The following EED variants were observed in gnomAD, a reference collection of about 807,000 sequenced individuals.
EED encodes polycomb protein EED.
Under a neutral mutation model 61.0 loss-of-function variants are expected in EED, and 9 were observed. The ratio of observed to expected loss-of-function variants is 0.15; its 90% CI spans 0.09 to 0.26. The LOEUF is 0.26. Ranked by LOEUF, EED falls within the 10% of genes least tolerant of loss-of-function variation. EED has a pLI of 1.00. For synonymous variants in EED, 187 were observed against 174.4 expected, an observed-to-expected ratio of 1.07 and a Z score of -0.57; for missense variants, 315 against 542.3, an observed-to-expected ratio of 0.58 and a Z score of 4.16.
At chr11:86,260,324 T>A (rs772088592) in intron 6 of EED, among the ~76,000 whole-genome samples, 1 of 152,238 alleles carries the variant, frequency 6.6e-6, no homozygotes, top group Non-Finnish European at 1.5e-5. Flanking sequence ...GCTCCTGGCC[T>A]CAAGCAATGT....
In EED at chr11:86,274,635, C is replaced by T. The variant is rs113338796; in HGVS notation, c.967-2345C>T. Among the ~76,000 whole-genome samples the T allele has an allele frequency of 3.8e-3, 578 of 152,250 alleles. 4 individuals carry two copies. Among genetic ancestry groups the T allele is most frequent in the African/African-American group, 0.013 (555 of 41,536 alleles). Reference sequence around the variant, plus strand: ...AGTCGGGGTGGGAGTTAAGGCTCTCCGTAGGCCTCAGCTGATACCACCCTA... The same window carrying T: ...AGTCGGGGTGGGAGTTAAGGCTCTCTGTAGGCCTCAGCTGATACCACCCTA... On this transcript the variant is annotated intron_variant, in intron 9 of 11. Transcript: ENST00000263360.
rs1013178317 is a variant in EED, at chr11:86,245,142, T to C, written c.-88T>C. 91 of 1,093,082 alleles carry C rather than the reference T, an allele frequency of 8.3e-5. No homozygotes were observed. The highest frequency in any genetic ancestry group is 2.7e-4 in the Middle Eastern group (1 of 3,726). 67.7% of individuals were successfully genotyped at this position (1,093,082 alleles called of 1,614,324 possible). A position where few individuals can be genotyped will look rare whatever the true frequency, so the allele number is the denominator to read the frequency against. On this transcript the variant is annotated 5_prime_UTR_variant, in exon 1 of 12. Coordinates refer to ENST00000263360, the MANE Select transcript of EED (RefSeq NM_003797.5). The stretch of plus-strand genomic sequence containing the variant: ...GAGGTGGCGGCGGCAGCGGCAACTT[T>C]GCGGCAAGCTCGGGCCGGGCTTGCT...
intron 7 of EED, chr11:86,265,851 T>C (rs1057264210): frequency 3.5e-6 from 1 of 286,248 alleles, no homozygotes; most frequent in Non-Finnish European, 6.4e-6. Context: ...AAGTAATTTT[T>C]TCTTGGTTTA....
chr11:86,248,049 A>T (rs1456536096), intron 1 of EED, among the ~76,000 whole-genome samples: 1 of 152,220 alleles, frequency 6.6e-6, no homozygotes, highest in Non-Finnish European at 1.5e-5. Flanking sequence ...AAAAGCAAAG[A>T]TGCAGGGAAT....
In EED at chr11:86,268,594, C is replaced by CGT. The variant is rs71040225; in HGVS notation, c.966+64_966+65dup. The CGT allele has an allele frequency of 0.034, 27,817 of 816,282 alleles. 275 individuals carry two copies. Among genetic ancestry groups the CGT allele is most frequent in the East Asian group, 0.12 (4,083 of 34,652 alleles). 50.6% of individuals were successfully genotyped at this position (816,282 alleles called of 1,614,324 possible). A position where few individuals can be genotyped will look rare whatever the true frequency, so the allele number is the denominator to read the frequency against. The stretch of plus-strand genomic sequence containing the variant: ...AACTGCAGTTAAGCTGTACTTCCAT[C>CGT]GTGTGTGTGTGTGTGTGTGTGTGTG... On this transcript the variant is annotated intron_variant, in intron 9 of 11. Coordinates refer to ENST00000263360, the MANE Select transcript of EED (RefSeq NM_003797.5).
At chr11:86,261,970 T>G (rs1278446497) in intron 6 of EED, among the ~76,000 whole-genome samples, 1 of 152,242 alleles carries the variant, frequency 6.6e-6, no homozygotes, top group African/African-American at 2.4e-5. Flanking sequence ...AGAACCTGCC[T>G]TCTCTTCCCT....
At chr11:86,280,884 T>A (rs1192171834), downstream of EED, among the ~76,000 whole-genome samples, 1 of 152,258 alleles carries the variant, frequency 6.6e-6, no homozygotes, top group Non-Finnish European at 1.5e-5. Flanking sequence ...GAAAGGGTGT[T>A]GAATTTTGTC....
intron 3 of EED, 36 bp from the exon 4 acceptor site, chr11:86,255,186 T>A (rs1214105579): frequency 6.6e-7 from 1 of 1,519,952 alleles, no homozygotes; most frequent in Non-Finnish European, 9.1e-7. Flanking sequence ...TTTTCTATAC[T>A]TGAGATGAAA....
At chr11:86,264,964 A>G (rs890923325) in intron 7 of EED, 2 of 152,232 alleles carry the variant, frequency 1.3e-5, no homozygotes, top group Non-Finnish European at 2.9e-5. Flanking sequence ...AGTTGAAGGT[A>G]CTAAAATATT....
At chr11:86,253,616 A>G (rs1382801246) in intron 3 of EED, among the ~76,000 whole-genome samples, 1 of 152,230 alleles carries the variant, frequency 6.6e-6, no homozygotes, top group Non-Finnish European at 1.5e-5. Flanking sequence ...TAGCAGCCAT[A>G]TAAAGAATTT....
intron 5 of EED, among the ~76,000 whole-genome samples, chr11:86,256,960 G>A (rs1014863342): frequency 1.3e-5 from 2 of 152,062 alleles, no homozygotes; most frequent in African/African-American, 2.4e-5. Flanking sequence ...ACACTCTCCT[G>A]AGGATGCTTA....
chr11:86,277,706 A>G (rs551859996), intron 10 of EED: 9 of 333,740 alleles, frequency 2.7e-5, no homozygotes, highest in Non-Finnish European at 4.8e-5. Context: ...AATTTGCACA[A>G]TGCCTTCTTA....
rs538343516 is a variant in EED, at chr11:86,269,309, G to A, written c.966+748G>A. Reference sequence around the variant, plus strand: ...AAAATTGTAAATCAGACCATTGTAAGTCAAGGCCATCTGGGTGTGTGTGTG... The same window carrying A: ...AAAATTGTAAATCAGACCATTGTAAATCAAGGCCATCTGGGTGTGTGTGTG... On this transcript the variant is annotated intron_variant, in intron 9 of 11. Transcript: ENST00000263360. 3.7e-4 allele frequency among the ~76,000 whole-genome samples: 57 copies of A among 152,086 alleles called. 1 individual carries two copies. The highest frequency in any genetic ancestry group is 1.3e-3 in the African/African-American group (56 of 41,506).
chr11:86,270,757 C>T (rs1045270810), intron 9 of EED, among the ~76,000 whole-genome samples: 3 of 152,168 alleles, frequency 2.0e-5, no homozygotes, highest in African/African-American at 7.2e-5. Context: ...GTTGTTCCAT[C>T]AGCATTTGTT....
At chr11:86,260,846 T>A (rs2138178636) in intron 6 of EED, among the ~76,000 whole-genome samples, 1 of 152,360 alleles carries the variant, frequency 6.6e-6, no homozygotes, top group South Asian at 2.1e-4. Context: ...ACATGAATAT[T>A]TCTGAACTTA....
In EED at chr11:86,250,342, A is replaced by T; in HGVS notation, c.161A>T (p.Asp54Val). Residue 54 changes from aspartate (D) to valine (V), a missense_variant, in exon 2 of 12, where the codon GAT becomes GTT. Around this residue, in one of 2 missense-constraint regions of EED, gnomAD observed 110 missense variants for 86.9 expected, o/e 1.27. Coordinates refer to ENST00000263360, the MANE Select transcript of EED (RefSeq NM_003797.5). The part of the protein sequence containing the change: ...IESGTNTERP[D>V]TPTNTPNAPG... ...AGTGGTACAAACACTGAACGCCCTGATACACCTACAAACACGCCAAATGCA... is the reference window on the plus strand; with the variant it reads ...AGTGGTACAAACACTGAACGCCCTGTTACACCTACAAACACGCCAAATGCA... The T allele has an allele frequency of 6.2e-7, 1 of 1,607,850 alleles. No homozygotes were observed. The highest frequency in any genetic ancestry group is 8.5e-7 in the Non-Finnish European group (1 of 1,177,522).
rs918777317 is a variant in EED, at chr11:86,256,570, C to T, written c.552+58C>T. On this transcript the variant is annotated intron_variant, in intron 5 of 11. Coordinates refer to ENST00000263360, the MANE Select transcript of EED (RefSeq NM_003797.5). ...TCTTTTGAATCCACAACTGTAAAAA[C>T]TTGTAATGTTAAATTTAAAACTAAT... The T allele has an allele frequency of 1.9e-5, 27 of 1,432,854 alleles. No individual in the cohort carries two copies. In the African/African-American group the frequency reaches 3.1e-4, roughly 17 times the overall value. 88.8% of individuals were successfully genotyped at this position (1,432,854 alleles called of 1,614,324 possible). A position where few individuals can be genotyped will look rare whatever the true frequency, so the allele number is the denominator to read the frequency against.
intron 9 of EED, among the ~76,000 whole-genome samples, chr11:86,275,146 G>A (rs571223119): frequency 3.3e-5 from 5 of 152,218 alleles, no homozygotes; most frequent in African/African-American, 7.2e-5. Flanking sequence ...AACGGTTATC[G>A]TTTGTGTTCC....
chr11:86,253,781 C>T (rs1945594912), intron 3 of EED, among the ~76,000 whole-genome samples: 1 of 152,074 alleles, frequency 6.6e-6, no homozygotes, highest in South Asian at 2.1e-4. Flanking sequence ...GGCACAGTGG[C>T]TCACGCCTGT....
Sources: gnomAD v4.1 joint callset for allele counts (sites outside exome capture counted in the v4.1 genomes callset) on GRCh38, gnomAD v4.1.1 for gene constraint, gnomAD v4.1.1 regional missense constraint, MANE v1.5 for transcripts, NCBI Gene and HGNC (gene_info 2026-07-23, HGNC 2026-07-21) for gene names.